PTPRD: variants seen among roughly 807,000 people sequenced by gnomAD.
PTPRD encodes the protein protein tyrosine phosphatase receptor type D, also known as receptor-type tyrosine-protein phosphatase delta.
In PTPRD, 34 loss-of-function variants were observed where a neutral mutation model predicts 214.5. That is an observed-to-expected ratio of 0.16 (90% CI 0.12 to 0.21). The LOEUF is 0.21. Ranked by LOEUF, PTPRD falls within the 10% of genes least tolerant of loss-of-function variation. The probability of loss-of-function intolerance (pLI) is 1.00; values close to 1 mark genes in which losing one functional copy is unlikely to be tolerated. For synonymous variants in PTPRD, 1,128 were observed against 845.7 expected (o/e 1.33, Z -5.79); for missense variants, 2,545 against 2,398.7 (o/e 1.06, Z -1.27).
intron 11 of PTPRD, among the ~76,000 whole-genome samples, chr9:8,808,900 A>C (rs1033782166): frequency 2.9e-4 from 44 of 152,174 alleles, no homozygotes; most frequent in African/African-American, 1.0e-3. Flanking sequence ...CGCTGACTGA[A>C]GCATGAACAG....
intron 8 of PTPRD, among the ~76,000 whole-genome samples, chr9:9,430,520 A>C (rs999851080): frequency 6.6e-6 from 1 of 152,188 alleles, no homozygotes; most frequent in African/African-American, 2.4e-5. Flanking sequence ...TGAAGCTACC[A>C]ATGATTTTCT....
intron 8 of PTPRD, among the ~76,000 whole-genome samples, chr9:9,567,168 T>G (rs1489079895): frequency 6.6e-6 from 1 of 151,912 alleles, no homozygotes; most frequent in Non-Finnish European, 1.5e-5. Context: ...TTTGAAGGAA[T>G]GAAGGAATAG....
intron 11 of PTPRD, among the ~76,000 whole-genome samples, chr9:8,984,400 A>G (rs963174980): frequency 3.3e-5 from 5 of 152,230 alleles, no homozygotes; most frequent in Admixed American, 3.3e-4. Context: ...TCCAATTTTG[A>G]TAGTTATGCT....
At chr9:8,579,896 C>T (rs1192148304) in intron 14 of PTPRD, among the ~76,000 whole-genome samples, 3 of 152,132 alleles carry the variant, frequency 2.0e-5, no homozygotes, top group Non-Finnish European at 2.9e-5. Context: ...GGTGACCAGG[C>T]TAAACAGTTC....
chr9:9,817,011 C>T (rs1488791704), intron 5 of PTPRD, among the ~76,000 whole-genome samples: 1 of 151,882 alleles, frequency 6.6e-6, no homozygotes, highest in Non-Finnish European at 1.5e-5. Flanking sequence ...CATTAGAAAA[C>T]ATAATCAGGA....
intron 3 of PTPRD, among the ~76,000 whole-genome samples, chr9:10,153,119 T>C (rs1441771487): frequency 6.6e-6 from 1 of 152,132 alleles, no homozygotes; most frequent in African/African-American, 2.4e-5. Flanking sequence ...TAGTTAATAA[T>C]AATACATTGT....
At chr9:8,852,047 T>A (rs1171197965) in intron 11 of PTPRD, among the ~76,000 whole-genome samples, 1 of 97,614 alleles carries the variant, frequency 1.0e-5, no homozygotes, top group Non-Finnish European at 2.0e-5. Flanking sequence ...ATGAAATCCA[T>A]CTACTAACGG....
intron 9 of PTPRD, among the ~76,000 whole-genome samples, chr9:9,291,756 A>G (rs1036709622): frequency 1.6e-4 from 24 of 148,052 alleles, no homozygotes; most frequent in Non-Finnish European, 3.3e-4. Context: ...CTTATTTCGG[A>G]AGATTTATAA....
At chr9:9,534,144 T>G (rs1471280565) in intron 8 of PTPRD, among the ~76,000 whole-genome samples, 1 of 152,070 alleles carries the variant, frequency 6.6e-6, no homozygotes, top group East Asian at 1.9e-4. Context: ...TACATCGTGT[T>G]GCTATATTCG....
At chr9:8,762,390 G>T (rs2094466200) in intron 11 of PTPRD, among the ~76,000 whole-genome samples, 1 of 152,216 alleles carries the variant, frequency 6.6e-6, no homozygotes, top group Middle Eastern at 3.4e-3. Context: ...TTTAAAGCAT[G>T]CAGAAGTCAG....
At chr9:9,745,926 TA>T (rs1454125447) in intron 6 of PTPRD, among the ~76,000 whole-genome samples, 4 of 152,262 alleles carry the variant, frequency 2.6e-5, no homozygotes, top group Non-Finnish European at 2.9e-5. Flanking sequence ...ATAAACACAT[TA>T]AATAAAATGG....
chr9:9,912,416 C>T (rs10816228), intron 5 of PTPRD, among the ~76,000 whole-genome samples: 2,506 of 152,060 alleles, frequency 0.016, 40 homozygotes, highest in Non-Finnish European at 0.026. Context: ...GCTGTAAATT[C>T]CACTATTTCT....
intron 9 of PTPRD, among the ~76,000 whole-genome samples, chr9:9,327,403 AT>A (rs901180545): frequency 6.6e-6 from 1 of 152,158 alleles, no homozygotes; most frequent in East Asian, 1.9e-4. Flanking sequence ...TGTTCCAGTA[AT>A]TTTTTTCCAT....
intron 8 of PTPRD, among the ~76,000 whole-genome samples, chr9:9,425,454 A>AT (rs2080485176): frequency 2.7e-5 from 4 of 146,414 alleles, no homozygotes; most frequent in Admixed American, 2.1e-4. Flanking sequence ...AATTTATAAT[A>AT]TAAAATATAT....
rs529916074 is a variant in PTPRD, at chr9:9,628,859, A to T, written c.-286-54078T>A. Among the ~76,000 whole-genome samples the T allele has an allele frequency of 2.0e-5, 3 of 152,022 alleles. No homozygotes were observed. In the East Asian group the frequency reaches 5.8e-4, roughly 29 times the overall value. On this transcript the variant is annotated intron_variant, in intron 7 of 45. Coordinates refer to ENST00000381196, the MANE Select transcript of PTPRD (RefSeq NM_002839.4). ...AATATATCATAATACATATTTATAT[A>T]TAATGATTTTATTTCTATAAAATAT...
chr9:8,965,934 G>C (rs2099191427), intron 11 of PTPRD, among the ~76,000 whole-genome samples: 1 of 152,072 alleles, frequency 6.6e-6, no homozygotes, highest in Non-Finnish European at 1.5e-5. Context: ...AACAATTTTA[G>C]CAAGGTTTCA....
chr9:9,523,900 C>A (rs2097056022), intron 8 of PTPRD, among the ~76,000 whole-genome samples: 1 of 152,168 alleles, frequency 6.6e-6, no homozygotes, highest in Non-Finnish European at 1.5e-5. Context: ...CTCCCCAACC[C>A]TCAGTCCATG....
chr9:10,261,835 G>A (rs2093719084), intron 3 of PTPRD, among the ~76,000 whole-genome samples: 1 of 152,058 alleles, frequency 6.6e-6, no homozygotes, highest in African/African-American at 2.4e-5. Context: ...TCTATACCAG[G>A]TATCAAAGTA....
intron 13 of PTPRD, among the ~76,000 whole-genome samples, chr9:8,633,915 T>A (rs1287212270): frequency 6.6e-6 from 1 of 152,008 alleles, no homozygotes; most frequent in Non-Finnish European, 1.5e-5. Flanking sequence ...GTTTAAACTG[T>A]CTCATCCTGA....
Sources: allele counts gnomAD v4.1 joint callset (sites outside exome capture counted in the v4.1 genomes callset), GRCh38; gene constraint gnomAD v4.1.1; transcripts MANE v1.5; gene names NCBI Gene and HGNC (gene_info 2026-07-23, HGNC 2026-07-21).